Variants in LRP2 observed in about 807,000 individuals in gnomAD.
LRP2 encodes LDL receptor related protein 2.
In LRP2, 172 loss-of-function variants were observed where a neutral mutation model predicts 531.0. That is an observed-to-expected ratio of 0.32 (90% CI 0.29 to 0.37). LRP2 has a LOEUF of 0.37. Ranked by LOEUF, LRP2 falls within the 10% of genes least tolerant of loss-of-function variation. LRP2 has a pLI of 1.00. For missense variants in LRP2, 5,167 were observed against 5,868.3 expected, an observed-to-expected ratio of 0.88 and a Z score of 3.90; for synonymous variants, 1,992 against 2,027.6, an observed-to-expected ratio of 0.98 and a Z score of 0.47.
chr2:169,326,641 G>C (rs1232823771), intron 1 of LRP2, among the ~76,000 whole-genome samples: 3 of 151,946 alleles, frequency 2.0e-5, no homozygotes, highest in African/African-American at 4.8e-5. Flanking sequence ...CCACCACCCC[G>C]TCTGGGAAGT....
At chr2:169,334,411 A>G (rs831026) in intron 1 of LRP2, among the ~76,000 whole-genome samples, 9,154 of 152,286 alleles carry the variant, frequency 0.06, 387 homozygotes, top group Non-Finnish European at 0.088. Flanking sequence ...GTTGGTCAAG[A>G]ATAGAGTTTT....
chr2:169,356,964 A>T (rs1686005163), intron 1 of LRP2, among the ~76,000 whole-genome samples: 1 of 152,168 alleles, frequency 6.6e-6, no homozygotes, highest in African/African-American at 2.4e-5. Flanking sequence ...TGTAGTATTG[A>T]TACTATTGAC....
At chr2:169,315,629 A>G (rs552651872) in intron 3 of LRP2, among the ~76,000 whole-genome samples, 6 of 152,214 alleles carry the variant, frequency 3.9e-5, no homozygotes, top group Non-Finnish European at 7.3e-5. Context: ...AATAAGCACT[A>G]GTCACATCTT....
At chr2:169,237,332 T>A in intron 27 of LRP2, 45 bp from the exon 28 acceptor site, 1 of 1,348,368 alleles carries the variant, frequency 7.4e-7, no homozygotes, top group Non-Finnish European at 1.1e-6. Flanking sequence ...AGCAAATAAA[T>A]GAATGCAAAC....
In LRP2 at chr2:169,239,585, C is replaced by T. The variant is rs34915742; in HGVS notation, c.4236G>A (p.Arg1412=). 6.2e-7 allele frequency: 1 copy of T among 1,613,942 alleles called. No homozygotes were observed. Among genetic ancestry groups the T allele is most frequent in the Non-Finnish European group, 8.5e-7 (1 of 1,179,978 alleles). The change falls in exon 26 of 79, where the codon CGG becomes CGA. Residue 1412 remains arginine, a synonymous_variant. Coordinates refer to ENST00000649046, the MANE Select transcript of LRP2 (RefSeq NM_004525.3). ...ACATGTAGCCTGTATCACACGAGCA[C>T]CGGAAAGAACCTCTCATATTGTAAC... is the stretch of plus-strand genomic sequence containing the variant. ...QHCYNMRGSF[R]CSCDTGYMLE... is the part of the protein sequence containing the mutation.
At chr2:169,169,909 C>G (rs1686933576) in intron 59 of LRP2, 91 bp from the exon 60 acceptor site, 1 of 859,630 alleles carries the variant, frequency 1.2e-6, no homozygotes, top group East Asian at 2.5e-5. Flanking sequence ...CCATCACATT[C>G]CTATCTACAC....
At chr2:169,224,437 G>T (rs1014353191) in intron 33 of LRP2, among the ~76,000 whole-genome samples, 1 of 152,096 alleles carries the variant, frequency 6.6e-6, no homozygotes, top group Non-Finnish European at 1.5e-5. Flanking sequence ...TTTCTTCTGG[G>T]AATTAGAGTA....
At chr2:169,163,842 T>C (rs1464841436) in intron 62 of LRP2, among the ~76,000 whole-genome samples, 1 of 151,758 alleles carries the variant, frequency 6.6e-6, no homozygotes, top group Admixed American at 6.6e-5. Context: ...CAGAGGAAAA[T>C]AGACAAGAAA....
chr2:169,360,128 C>CAAAAAAAA (rs67818940), intron 1 of LRP2, among the ~76,000 whole-genome samples: 125 of 104,998 alleles, frequency 1.2e-3, no homozygotes, highest in East Asian at 5.0e-3. Flanking sequence ...CTGTCTCTCT[C>CAAAAAAAA]AAAAAAAAAA....
In LRP2 at chr2:169,238,066, C is replaced by A. The variant is rs375638695; in HGVS notation, c.4506+25G>T. ...CCCAAGACAGAGGAACTAGCCAGGCCAAAGGTCAACAGAAATGTACTTACC... is the reference window on the plus strand; with the variant it reads ...CCCAAGACAGAGGAACTAGCCAGGCAAAAGGTCAACAGAAATGTACTTACC... On this transcript the variant is annotated intron_variant, in intron 27 of 78. Coordinates refer to ENST00000649046, the MANE Select transcript of LRP2 (RefSeq NM_004525.3). The A allele has an allele frequency of 6.8e-6, 11 of 1,606,270 alleles. No homozygotes were observed. In the African/African-American group the frequency reaches 1.2e-4, roughly 18 times the overall value.
chr2:169,199,092 C>T (rs948800798), intron 44 of LRP2, among the ~76,000 whole-genome samples, 181 bp from the exon 45 acceptor site: 1 of 152,142 alleles, frequency 6.6e-6, no homozygotes, highest in Non-Finnish European at 1.5e-5. Flanking sequence ...AGTAAAAAAA[C>T]ATATTTCCAG....
At chr2:169,212,326 T>C (rs1688623846) in intron 36 of LRP2, 119 bp from the exon 37 acceptor site, 1 of 1,247,134 alleles carries the variant, frequency 8.0e-7, no homozygotes, top group South Asian at 1.3e-5. Context: ...CAACATATAG[T>C]AGCTGAGTTA....
At chr2:169,152,482 T>A (rs1686179905) in intron 67 of LRP2, among the ~76,000 whole-genome samples, 1 of 152,208 alleles carries the variant, frequency 6.6e-6, no homozygotes, top group East Asian at 1.9e-4. Flanking sequence ...TTGGCAAGAA[T>A]GCTATTCACT....
At chr2:169,344,693 A>G (rs2105565035) in intron 1 of LRP2, among the ~76,000 whole-genome samples, 1 of 152,308 alleles carries the variant, frequency 6.6e-6, no homozygotes, top group East Asian at 1.9e-4. Flanking sequence ...ACATAAATAA[A>G]ACAAGACATT....
At chr2:169,233,622 C>A in intron 29 of LRP2, 34 bp from the exon 30 acceptor site, 1 of 1,601,824 alleles carries the variant, frequency 6.2e-7, no homozygotes, top group Non-Finnish European at 8.6e-7. Flanking sequence ...AGACCTCATC[C>A]AAAAATCAAA....
At chr2:169,311,485 T>A (rs1038700138) in intron 3 of LRP2, among the ~76,000 whole-genome samples, 2 of 152,250 alleles carry the variant, frequency 1.3e-5, no homozygotes, top group African/African-American at 4.8e-5. Context: ...AGCAGGTTGT[T>A]CAGTTTCCAT....
chr2:169,197,078 T>C, intron 45 of LRP2, 48 bp from the exon 46 acceptor site: 7 of 1,606,892 alleles, frequency 4.4e-6, no homozygotes, highest in Non-Finnish European at 5.9e-6. Flanking sequence ...CACAAGCATG[T>C]TCCCATCAGT....
chr2:169,174,996 C>T (rs960330329), intron 55 of LRP2, among the ~76,000 whole-genome samples, 197 bp downstream of exon 55: 3 of 147,236 alleles, frequency 2.0e-5, no homozygotes, highest in Non-Finnish European at 4.5e-5. Flanking sequence ...CAACCATTTG[C>T]CTTGTAAAAA....
intron 16 of LRP2, among the ~76,000 whole-genome samples, chr2:169,263,071 T>C (rs1690637019): frequency 6.6e-6 from 1 of 152,202 alleles, no homozygotes; most frequent in South Asian, 2.1e-4. Flanking sequence ...GATCCCTTCC[T>C]TACACCTTAT....
Sources: gnomAD v4.1 joint callset for allele counts (sites outside exome capture counted in the v4.1 genomes callset) on GRCh38, gnomAD v4.1.1 for gene constraint, MANE v1.5 for transcripts, NCBI Gene and HGNC (gene_info 2026-07-23, HGNC 2026-07-21) for gene names.